Variants in RSPO3 observed in about 807,000 individuals in gnomAD.
RSPO3 encodes the protein R-spondin 3.
Under a neutral mutation model 36.5 loss-of-function variants are expected in RSPO3, and 17 were observed. That is an observed-to-expected ratio of 0.47 (90% CI 0.32 to 0.70). RSPO3 has a LOEUF of 0.70. RSPO3 is among the 30% of genes least tolerant of loss of function. The pLI, the probability that RSPO3 is intolerant of heterozygous loss-of-function variation, is 0.04. For missense variants in RSPO3, 294 were observed against 322.5 expected (o/e 0.91, Z 0.68); for synonymous variants, 108 against 107.0 (o/e 1.01, Z -0.06).
At chr6:127,151,089 T>C (rs1213580435) in intron 3 of RSPO3, among the ~76,000 whole-genome samples, 1 of 151,936 alleles carries the variant, frequency 6.6e-6, no homozygotes, top group East Asian at 1.9e-4. Context: ...TAATGCTCAG[T>C]AAATGGATCA....
chr6:127,123,364 G>C (rs1582782218), intron 1 of RSPO3, among the ~76,000 whole-genome samples: 1 of 152,064 alleles, frequency 6.6e-6, no homozygotes, highest in Admixed American at 6.5e-5. Context: ...TTATTTTTGA[G>C]AGTAACAGTG....
intron 4 of RSPO3, among the ~76,000 whole-genome samples, chr6:127,156,298 G>T (rs1301091034): frequency 6.6e-6 from 1 of 151,988 alleles, no homozygotes; most frequent in East Asian, 1.9e-4. Flanking sequence ...ATTAGAATTT[G>T]CTGTGAAATC....
chr6:127,147,059 A>G (rs2114578405), intron 1 of RSPO3, among the ~76,000 whole-genome samples: 1 of 152,244 alleles, frequency 6.6e-6, no homozygotes, highest in African/African-American at 2.4e-5. Context: ...ACAGAGGAGC[A>G]TGCACAGGAA....
intron 4 of RSPO3, among the ~76,000 whole-genome samples, chr6:127,169,668 T>C (rs891419873): frequency 1.3e-5 from 2 of 151,922 alleles, no homozygotes; most frequent in Admixed American, 6.6e-5. Flanking sequence ...AAGCTGGTAA[T>C]GACAGAAAAG....
intron 4 of RSPO3, among the ~76,000 whole-genome samples, chr6:127,164,473 A>C (rs1774774031): frequency 6.6e-6 from 1 of 152,122 alleles, no homozygotes; most frequent in Non-Finnish European, 1.5e-5. Flanking sequence ...GACTAAACAC[A>C]CGTTCAGGAT....
chr6:127,186,835 G>C (rs558897589), intron 4 of RSPO3, among the ~76,000 whole-genome samples: 1 of 152,158 alleles, frequency 6.6e-6, no homozygotes, highest in African/African-American at 2.4e-5. Flanking sequence ...GGAATCACTG[G>C]ATAGATGGTC....
At chr6:127,160,593 C>T (rs1368192554) in intron 4 of RSPO3, among the ~76,000 whole-genome samples, 3 of 152,188 alleles carry the variant, frequency 2.0e-5, no homozygotes, top group Admixed American at 2.0e-4. Context: ...TAATTAGATG[C>T]AAATTAAGGG....
At chr6:127,122,262 C>G (rs773696327) in intron 1 of RSPO3, among the ~76,000 whole-genome samples, 35 of 152,140 alleles carry the variant, frequency 2.3e-4, no homozygotes, top group Admixed American at 1.2e-3. Flanking sequence ...GACCCTTGTA[C>G]TTTAAAATGT....
At chr6:127,162,636 A>C (rs139806053) in intron 4 of RSPO3, among the ~76,000 whole-genome samples, 1 of 152,310 alleles carries the variant, frequency 6.6e-6, no homozygotes, top group East Asian at 1.9e-4. Context: ...GGTGCTGAGG[A>C]TAAAGCAGTA....
intron 4 of RSPO3, among the ~76,000 whole-genome samples, chr6:127,186,431 A>G (rs1008244899): frequency 6.6e-6 from 1 of 152,172 alleles, no homozygotes; most frequent in African/African-American, 2.4e-5. Context: ...ATTAATTTTG[A>G]GAATGAAAGA....
intron 3 of RSPO3, among the ~76,000 whole-genome samples, chr6:127,154,675 G>A (rs1455767870): frequency 6.6e-6 from 1 of 152,166 alleles, no homozygotes; most frequent in Non-Finnish European, 1.5e-5. Flanking sequence ...CTCTAACACA[G>A]AGGTTCTCAA....
At chr6:127,149,488 T>C (rs1007355377) in intron 2 of RSPO3, among the ~76,000 whole-genome samples, 9 of 152,086 alleles carry the variant, frequency 5.9e-5, no homozygotes, top group African/African-American at 2.2e-4. Context: ...GTTCTAGCAG[T>C]TGGAAAGCTT....
At chr6:127,153,807 G>T (rs1466776432) in intron 3 of RSPO3, among the ~76,000 whole-genome samples, 1 of 151,916 alleles carries the variant, frequency 6.6e-6, no homozygotes, top group African/African-American at 2.4e-5. Flanking sequence ...TTTTGGAGGT[G>T]CCTTTTTTTG....
chr6:127,153,333 C>CTT (rs536926125), intron 3 of RSPO3, among the ~76,000 whole-genome samples: 2 of 148,024 alleles, frequency 1.4e-5, no homozygotes, highest in African/African-American at 5.0e-5. Flanking sequence ...GTCTTTAGCA[C>CTT]TTTTTTTTTT....
At chr6:127,166,956 A>T (rs1774833456) in intron 4 of RSPO3, among the ~76,000 whole-genome samples, 1 of 151,762 alleles carries the variant, frequency 6.6e-6, no homozygotes, top group East Asian at 1.9e-4. Flanking sequence ...CAATTTTCTA[A>T]TTTTTCTATT....
At chr6:127,154,216 G>A (rs1774548097) in intron 3 of RSPO3, among the ~76,000 whole-genome samples, 1 of 152,124 alleles carries the variant, frequency 6.6e-6, no homozygotes, top group Non-Finnish European at 1.5e-5. Context: ...CAATAAGGGA[G>A]GTTACTGGAA....
chr6:127,152,368 G>T (rs1056897343), intron 3 of RSPO3, among the ~76,000 whole-genome samples: 4 of 152,092 alleles, frequency 2.6e-5, no homozygotes, highest in African/African-American at 9.7e-5. Flanking sequence ...TAGCCTGCAG[G>T]TACTACACCT....
intron 1 of RSPO3, among the ~76,000 whole-genome samples, chr6:127,132,172 G>C (rs1487970171): frequency 1.3e-5 from 2 of 151,940 alleles, no homozygotes; most frequent in Admixed American, 1.3e-4. Flanking sequence ...CTGACAAACT[G>C]TTCTGGTGTA....
intron 1 of RSPO3, among the ~76,000 whole-genome samples, chr6:127,146,468 A>C (rs1430154062): frequency 1.3e-5 from 2 of 152,124 alleles, no homozygotes; most frequent in Non-Finnish European, 2.9e-5. Flanking sequence ...CTCCTGAAGA[A>C]CATTCCAAAC....
Sources: gnomAD v4.1 joint callset for allele counts (sites outside exome capture counted in the v4.1 genomes callset) on GRCh38, gnomAD v4.1.1 for gene constraint, MANE v1.5 for transcripts, NCBI Gene and HGNC (gene_info 2026-07-23, HGNC 2026-07-21) for gene names.